NFIX: variants seen among roughly 807,000 people sequenced by gnomAD.
The protein encoded by NFIX is nuclear factor I X, also known as nuclear factor 1 X-type.
A neutral mutation model predicts 53.3 loss-of-function variants in NFIX; 2 were observed. The observed-to-expected ratio is 0.04, with a 90% CI of 0.02 to 0.12. NFIX has a LOEUF of 0.12. Among genes scored for constraint, NFIX ranks in the 10% least tolerant of loss-of-function variants. NFIX has a pLI of 1.00. For synonymous variants in NFIX, 244 were observed against 289.0 expected, an observed-to-expected ratio of 0.84 and a Z score of 1.58; for missense variants, 310 against 674.5, an observed-to-expected ratio of 0.46 and a Z score of 5.99.
Position 13,060,782 on chromosome 19 carries a change from C to T in NFIX, c.560-12265C>T, listed in dbSNP as rs964553203. Among the ~76,000 whole-genome samples the T allele has an allele frequency of 9.9e-5, 15 of 151,798 alleles. No individual in the cohort carries two copies. The highest frequency in any genetic ancestry group is 2.2e-4 in the Non-Finnish European group (15 of 67,922). On this transcript the variant is annotated intron_variant, in intron 2 of 10. Coordinates refer to ENST00000592199, the MANE Select transcript of NFIX (RefSeq NM_001365902.3). This position sits in a 1 kb window ranked among gnomAD's most constrained non-coding sequence, Gnocchi z 4.3. ...GGGGATGGGGGGGTCGGCCTCACCT[C>T]GGCTAACCTCCCAGCGGAACAAAGG...
intron 2 of NFIX, among the ~76,000 whole-genome samples, chr19:13,062,572 A>G (rs2016161156): frequency 6.6e-6 from 1 of 152,212 alleles, no homozygotes; most frequent in Admixed American, 6.5e-5. Context: ...CCTGGTGGCC[A>G]GGTCTCTGGG....
intron 2 of NFIX, among the ~76,000 whole-genome samples, chr19:13,030,284 G>T (rs1295915365): frequency 6.6e-6 from 1 of 152,182 alleles, no homozygotes; most frequent in Non-Finnish European, 1.5e-5. Context: ...GGTCAGCTTT[G>T]GTTGTAAAAT....
intron 1 of NFIX, chr19:13,024,399 A>T: frequency 1.2e-6 from 1 of 867,222 alleles, no homozygotes; most frequent in South Asian, 5.3e-5. Context: ...TGGATGTTCC[A>T]ACTGGATCAG....
In NFIX at chr19:13,078,540, C is replaced by T; in HGVS notation, c.956-73C>T. The T allele has an allele frequency of 6.6e-7, 1 of 1,522,106 alleles. No individual in the cohort carries two copies. The highest frequency in any genetic ancestry group is 8.9e-7 in the Non-Finnish European group (1 of 1,125,550). The allele number at this position is 1,522,106 out of a possible 1,614,324, so 94.3% of individuals were successfully genotyped here. On this transcript the variant is annotated intron_variant, in intron 6 of 10. Coordinates refer to ENST00000592199, the MANE Select transcript of NFIX (RefSeq NM_001365902.3). The surrounding 1 kb of genome is among the most constrained non-coding windows in gnomAD (Gnocchi z 4.7). ...GGCTGAGGAGAGAAGGAGCGAGCTG[C>T]TGGCTTCCCGCCTTCCCCGCACCCA...
At chr19:13,075,157 C>T (rs980175782) in intron 5 of NFIX, among the ~76,000 whole-genome samples, 2 of 150,588 alleles carry the variant, frequency 1.3e-5, no homozygotes, top group Admixed American at 6.6e-5. Context: ...ACATTTTTGT[C>T]CCTCTGACAT....
intron 1 of NFIX, chr19:13,024,748 A>C: frequency 6.6e-7 from 1 of 1,518,696 alleles, no homozygotes; most frequent in Non-Finnish European, 8.8e-7. Context: ...GAGAGAGAGA[A>C]TAGGTGTGTG....
intron 2 of NFIX, among the ~76,000 whole-genome samples, chr19:13,029,847 G>A (rs1029620700): frequency 6.6e-6 from 1 of 152,194 alleles, no homozygotes; most frequent in East Asian, 1.9e-4. Context: ...GCAGGCACTA[G>A]TTTTCAGGTC....
Position 12,998,807 on chromosome 19 carries a change from G to A in NFIX, c.27+2943G>A, listed in dbSNP as rs1167172930. ...GTCACACACACCCATTAACACACACGCACCTCTTGAAATGGGACACGTATA... is the reference window on the plus strand; with the variant it reads ...GTCACACACACCCATTAACACACACACACCTCTTGAAATGGGACACGTATA... On this transcript the variant is annotated intron_variant, in intron 1 of 10. Coordinates refer to ENST00000592199, the MANE Select transcript of NFIX (RefSeq NM_001365902.3). This position sits in a 1 kb window ranked among gnomAD's most constrained non-coding sequence, Gnocchi z 4.4. Among the ~76,000 whole-genome samples, 2 of 152,058 alleles carry A rather than the reference G, an allele frequency of 1.3e-5. No homozygotes were observed. The highest frequency in any genetic ancestry group is 4.8e-5 in the African/African-American group (2 of 41,366).
intron 1 of NFIX, among the ~76,000 whole-genome samples, chr19:13,019,712 G>T (rs2012857859): frequency 7.2e-6 from 1 of 137,944 alleles, no homozygotes; most frequent in Non-Finnish European, 1.6e-5. Flanking sequence ...ACTGTTGCTG[G>T]TTTTTTTTTT....
rs2013527787 is a variant in NFIX at position 13,028,274 on chromosome 19, G to A, written c.559+2722G>A. On this transcript the variant is annotated intron_variant, in intron 2 of 10. Coordinates refer to ENST00000592199, the MANE Select transcript of NFIX (RefSeq NM_001365902.3). The surrounding 1 kb of genome is among the most constrained non-coding windows in gnomAD (Gnocchi z 4.2). The stretch of plus-strand genomic sequence containing the variant: ...GATGATAAACTGGGGACAGGGGCCG[G>A]GATGGCACAGGCTCAGACAAGAGCT... Among the ~76,000 whole-genome samples, 2 of 152,336 alleles carry A rather than the reference G, an allele frequency of 1.3e-5. No homozygotes were observed. The highest frequency in any genetic ancestry group is 1.9e-4 in the East Asian group (1 of 5,192).
chr19:13,016,544 CT>C (rs562558795), intron 1 of NFIX, among the ~76,000 whole-genome samples: 26 of 150,934 alleles, frequency 1.7e-4, no homozygotes, highest in African/African-American at 6.1e-4. Context: ...GCCACCTCTT[CT>C]TTTTTTTCTG....
intron 1 of NFIX, among the ~76,000 whole-genome samples, chr19:13,007,891 T>TC (rs2012115597): frequency 6.6e-6 from 1 of 151,604 alleles, no homozygotes; most frequent in Non-Finnish European, 1.5e-5. Flanking sequence ...CCAATACCAC[T>TC]CCCCCCTCTG....
At chr19:13,061,773 T>C (rs1280450855) in intron 2 of NFIX, among the ~76,000 whole-genome samples, 1 of 152,176 alleles carries the variant, frequency 6.6e-6, no homozygotes, top group Non-Finnish European at 1.5e-5. Context: ...CTTTATAGTA[T>C]ATAAAACTCA....
At chr19:12,999,500 ACAC>A (rs2011597951) in intron 1 of NFIX, among the ~76,000 whole-genome samples, 2 of 148,444 alleles carry the variant, frequency 1.3e-5, no homozygotes, top group African/African-American at 5.3e-5. Flanking sequence ...ACACACACAC[ACAC>A]ACACACACAC....
At chr19:13,086,188 G>A (rs771778754) in intron 8 of NFIX, among the ~76,000 whole-genome samples, 1 of 152,232 alleles carries the variant, frequency 6.6e-6, no homozygotes, top group Non-Finnish European at 1.5e-5. Flanking sequence ...GCAGAGGGGC[G>A]GTAGGGGCTG....
In NFIX at chr19:13,066,188, G is replaced by A. The variant is rs1252773258; in HGVS notation, c.560-6859G>A. ...CTTCCCGAAGCCTTACTGCCGAGCT[G>A]TGAGTCCTGTAGTAGCCAGGCCTGG... On this transcript the variant is annotated intron_variant, in intron 2 of 10. Transcript: ENST00000592199. This position sits in a 1 kb window ranked among gnomAD's most constrained non-coding sequence, Gnocchi z 4.2. Among the ~76,000 whole-genome samples, 4 of 152,200 alleles carry A rather than the reference G, an allele frequency of 2.6e-5. No individual in the cohort carries two copies. The highest frequency in any genetic ancestry group is 5.9e-5 in the Non-Finnish European group (4 of 68,016).
At position 13,051,925 on chromosome 19, in the gene NFIX, A is replaced by G. The variant is rs2015353435; in HGVS notation, c.560-21122A>G. Among the ~76,000 whole-genome samples the G allele has an allele frequency of 6.6e-6, 1 of 152,140 alleles. No homozygotes were observed. Among genetic ancestry groups the G allele is most frequent in the South Asian group, 2.1e-4 (1 of 4,832 alleles). On this transcript the variant is annotated intron_variant, in intron 2 of 10. Coordinates refer to ENST00000592199, the MANE Select transcript of NFIX (RefSeq NM_001365902.3). The surrounding 1 kb of genome is among the most constrained non-coding windows in gnomAD (Gnocchi z 5.1). Reference sequence around the variant, plus strand: ...TTCTTAGGCGCCGCCTCCTCCTCACAGCGCCCGCCTTCTCCGCTCCGGCTT... The same window carrying G: ...TTCTTAGGCGCCGCCTCCTCCTCACGGCGCCCGCCTTCTCCGCTCCGGCTT...
At position 12,996,146 on chromosome 19, in the gene NFIX, TG is replaced by T. The variant is rs2145118252; in HGVS notation, c.27+283del. ...GCGCAGGCGGGAGTGCGTGTACGTG[TG>T]TGTGTGTGTGTGTGTGTGTGTGTGC... is the stretch of plus-strand genomic sequence containing the variant. On this transcript the variant is annotated intron_variant, in intron 1 of 10. Coordinates refer to ENST00000592199, the MANE Select transcript of NFIX (RefSeq NM_001365902.3). The surrounding 1 kb of genome is among the most constrained non-coding windows in gnomAD (Gnocchi z 5.2). Among the ~76,000 whole-genome samples the T allele has an allele frequency of 7.5e-6, 1 of 133,950 alleles. No homozygotes were observed. Among genetic ancestry groups the T allele is most frequent in the South Asian group, 2.2e-4 (1 of 4,618 alleles). 87.9% of individuals were successfully genotyped at this position (133,950 alleles called of 152,430 possible).
At position 13,040,456 on chromosome 19, in the gene NFIX, T is replaced by C. The variant is rs1316663511; in HGVS notation, c.559+14904T>C. Among the ~76,000 whole-genome samples, 1 of 152,254 alleles carries C rather than the reference T, an allele frequency of 6.6e-6. No homozygotes were observed. Among genetic ancestry groups the C allele is most frequent in the East Asian group, 1.9e-4 (1 of 5,194 alleles). On this transcript the variant is annotated intron_variant, in intron 2 of 10. Coordinates refer to ENST00000592199, the MANE Select transcript of NFIX (RefSeq NM_001365902.3). This position sits in a 1 kb window ranked among gnomAD's most constrained non-coding sequence, Gnocchi z 4.2. Reference sequence around the variant, plus strand: ...TGCCACGCTAGCCTGGTGGATGCCCTGCGGCAGGGATTGGCAGGGATCAGT... The same window carrying C: ...TGCCACGCTAGCCTGGTGGATGCCCCGCGGCAGGGATTGGCAGGGATCAGT...
Sources: allele counts gnomAD v4.1 joint callset (sites outside exome capture counted in the v4.1 genomes callset), GRCh38; gene constraint gnomAD v4.1.1; non-coding constraint Gnocchi (gnomAD v3.1); transcripts MANE v1.5; gene names NCBI Gene and HGNC (gene_info 2026-07-23, HGNC 2026-07-21).